TMEM62: variants seen among roughly 807,000 people sequenced by gnomAD.
TMEM62 encodes the protein transmembrane protein 62.
Under a neutral mutation model 70.4 loss-of-function variants are expected in TMEM62, and 41 were observed. The observed-to-expected ratio is 0.58, with a 90% CI of 0.45 to 0.76. The LOEUF (loss-of-function observed/expected upper bound fraction) is 0.76, where lower values mean the gene tolerates loss of function less well. Among genes scored for constraint, TMEM62 ranks in the 30% least tolerant of loss-of-function variants. The pLI is 0.00. For synonymous variants in TMEM62, 268 were observed against 291.0 expected (o/e 0.92, Z 0.80); for missense variants, 688 against 788.5 (o/e 0.87, Z 1.53).
rs186070477 is a variant in TMEM62, at chr15:43,172,044, T to A, written c.1381+2367T>A. ...TATAGTTTATAATCTCTAAAAAAAA[T>A]TTTTTATGGAACAATTTTTGAATGT... On this transcript the variant is annotated intron_variant, in intron 11 of 13. Transcript: ENST00000260403. 4.4e-3 allele frequency among the ~76,000 whole-genome samples: 664 copies of A among 152,256 alleles called. 6 individuals are homozygous for A. The highest frequency in any genetic ancestry group is 0.015 in the African/African-American group (623 of 41,538).
chr15:43,181,518 C>T (rs1460048578), intron 13 of TMEM62, among the ~76,000 whole-genome samples: 7 of 151,616 alleles, frequency 4.6e-5, no homozygotes, highest in Admixed American at 4.6e-4. Flanking sequence ...ATTTTTTTTT[C>T]CCCAAGACAG....
chr15:43,138,582 A>G lies in TMEM62; in HGVS notation c.439A>G (p.Asn147Asp). ...TTTTTTTTTTAAATTAGATGCATTC[A>G]ATATTCCAAGTCTGGACAGCATCAA... ...LDIKGNHDAFNIPSLDSIKNY... is the reference protein window; with the variant it reads ...LDIKGNHDAFDIPSLDSIKNY... Residue 147 changes from asparagine (N) to aspartate (D), a missense_variant, in exon 4 of 14, where the codon AAT becomes GAT. Asn to Asp is a conservative substitution (Grantham distance 23). Coordinates refer to ENST00000260403, the MANE Select transcript of TMEM62 (RefSeq NM_024956.4). 1.3e-6 allele frequency: 2 copies of G among 1,598,308 alleles called. No individual in the cohort carries two copies. Among genetic ancestry groups the G allele is most frequent in the Non-Finnish European group, 1.7e-6 (2 of 1,170,774 alleles).
At position 43,154,793 on chromosome 15, in the gene TMEM62, T is replaced by C. The variant is rs369811342; in HGVS notation, c.1144T>C (p.Tyr382His). ...IFVLKWNPRN[Y>H]SSGTHNIEVI... ...CGTACTGAAGTGGAATCCTAGAAACTACAGTAGTGGGACACATAACATAGA... is the reference window on the plus strand; with the variant it reads ...CGTACTGAAGTGGAATCCTAGAAACCACAGTAGTGGGACACATAACATAGA... The change falls in exon 9 of 14, where the codon TAC (tyrosine) becomes CAC (histidine). Residue 382 changes from tyrosine (Y) to histidine (H), a missense_variant. Physicochemically the swap from Tyr to His is moderately conservative, Grantham distance 83. Coordinates refer to ENST00000260403, the MANE Select transcript of TMEM62 (RefSeq NM_024956.4). 9 of 1,613,572 alleles carry C rather than the reference T, an allele frequency of 5.6e-6. No individual in the cohort carries two copies. The African/African-American group carries it at 1.1e-4, about 19-fold the overall frequency.
At chr15:43,160,603 C>T (rs2038581691) in intron 9 of TMEM62, 78 bp from the exon 10 acceptor site, 1 of 718,884 alleles carries the variant, frequency 1.4e-6, no homozygotes, top group Non-Finnish European at 2.3e-6. Context: ...TATTAGAAAC[C>T]TATTCTTATT....
intron 11 of TMEM62, among the ~76,000 whole-genome samples, chr15:43,176,172 G>A (rs1302882101): frequency 6.6e-6 from 1 of 152,268 alleles, no homozygotes; most frequent in Non-Finnish European, 1.5e-5. Flanking sequence ...GGTAAACAAA[G>A]CAGCCGGGAA....
rs552370345 is a variant in TMEM62, at chr15:43,148,729, A to G, written c.619-26A>G. The stretch of plus-strand genomic sequence containing the variant: ...ATTTTAGCCTGAGCCCTAATTTAAG[A>G]TCCTTCCATTTTTCTCCCATCTCAG... On this transcript the variant is annotated intron_variant, in intron 5 of 13. Coordinates refer to ENST00000260403, the MANE Select transcript of TMEM62 (RefSeq NM_024956.4). 7 of 1,607,396 alleles carry G rather than the reference A, an allele frequency of 4.4e-6. No homozygotes were observed. In the Admixed American group the frequency reaches 1.0e-4, roughly 24 times the overall value.
Position 43,133,885 on chromosome 15 carries a change from T to C in TMEM62, c.83T>C (p.Leu28Pro). 1 of 1,500,508 alleles carries C rather than the reference T, an allele frequency of 6.7e-7. No homozygotes were observed. Among genetic ancestry groups the C allele is most frequent in the Non-Finnish European group, 8.8e-7 (1 of 1,133,054 alleles). The allele number at this position is 1,500,508 out of a possible 1,614,324, so 92.9% of individuals were successfully genotyped here. ...GCCATGCTCTTGGAGCACTACGGCCTGGCGGGCCAGCCCTCGCCGCTGCCG... is the reference window on the plus strand; with the variant it reads ...GCCATGCTCTTGGAGCACTACGGCCCGGCGGGCCAGCCCTCGCCGCTGCCG... The part of the protein sequence containing the change: ...LVAMLLEHYG[L>P]AGQPSPLPRP... The change falls in exon 1 of 14, where the codon CTG (leucine) becomes CCG (proline). Residue 28 changes from leucine to proline, a missense_variant. By Grantham distance (98) the Leu-to-Pro change is moderately conservative. Transcript: ENST00000260403.
chr15:43,144,208 A>G (rs1470686072), intron 4 of TMEM62, among the ~76,000 whole-genome samples: 2 of 152,248 alleles, frequency 1.3e-5, no homozygotes, highest in Admixed American at 1.3e-4. Flanking sequence ...GCAAAAAGAT[A>G]GGTATGAAGA....
chr15:43,178,550 A>T (rs953396082), intron 11 of TMEM62, 57 bp from the exon 12 acceptor site: 8 of 1,112,478 alleles, frequency 7.2e-6, no homozygotes, highest in African/African-American at 3.1e-5. Flanking sequence ...AGAAAATGTC[A>T]TAAAGAAACT....
chr15:43,138,681 C>A, intron 4 of TMEM62, 62 bp downstream of exon 4: 1 of 1,309,476 alleles, frequency 7.6e-7, no homozygotes, highest in Non-Finnish European at 1.1e-6. Flanking sequence ...AGGGTGTGGT[C>A]AACTCAATGA....
intron 11 of TMEM62, chr15:43,169,944 C>G (rs1175149520): frequency 3.4e-6 from 1 of 294,402 alleles, no homozygotes; most frequent in African/African-American, 2.2e-5. Context: ...GTTGGGATAT[C>G]TTGAAGTGGG....
Position 43,151,795 on chromosome 15 carries a change from G to T in TMEM62, c.872G>T (p.Arg291Leu). ...TATCATTATCTGGTCTTTAGGTACC[G>T]GATTTTTGCTTTTGATCACGACCTC... ...VGDWKDNRRY[R>L]IFAFDHDLFS... Residue 291 changes from arginine to leucine, a missense_variant, in exon 8 of 14, where the codon CGG becomes CTG. By Grantham distance (102) the Arg-to-Leu change is moderately radical (BLOSUM62 -2). Transcript: ENST00000260403. 1 of 1,613,022 alleles carries T rather than the reference G, an allele frequency of 6.2e-7. No individual in the cohort carries two copies. Among genetic ancestry groups the T allele is most frequent in the Non-Finnish European group, 8.5e-7 (1 of 1,179,572 alleles).
At chr15:43,183,630 G>A (rs1163271378) in intron 13 of TMEM62, among the ~76,000 whole-genome samples, 2 of 151,404 alleles carry the variant, frequency 1.3e-5, no homozygotes, top group Non-Finnish European at 2.9e-5. Flanking sequence ...ATCACGATCT[G>A]TAATTATATT....
At chr15:43,160,837 T>C in intron 10 of TMEM62, 43 bp downstream of exon 10, 1 of 1,213,532 alleles carries the variant, frequency 8.2e-7, no homozygotes, top group Non-Finnish European at 1.2e-6. Flanking sequence ...AAATGCAGAG[T>C]CCTAAATAAT....
chr15:43,167,458 G>A (rs1281393485), intron 10 of TMEM62, among the ~76,000 whole-genome samples: 37 of 151,754 alleles, frequency 2.4e-4, no homozygotes, highest in African/African-American at 8.9e-4. Context: ...GGGGCGGCCC[G>A]GCAGAGACGC....
At chr15:43,144,137 T>G (rs973455144) in intron 4 of TMEM62, among the ~76,000 whole-genome samples, 1 of 152,216 alleles carries the variant, frequency 6.6e-6, no homozygotes, top group Non-Finnish European at 1.5e-5. Context: ...AAAAAGTGTG[T>G]CCAATCTTAA....
At chr15:43,144,468 A>G (rs1412906012) in intron 4 of TMEM62, among the ~76,000 whole-genome samples, 3 of 152,226 alleles carry the variant, frequency 2.0e-5, no homozygotes, top group African/African-American at 4.8e-5. Flanking sequence ...ATAAATGGCA[A>G]TCCCACAATA....
intron 11 of TMEM62, among the ~76,000 whole-genome samples, chr15:43,174,601 C>G (rs1184880921): frequency 1.3e-5 from 2 of 152,108 alleles, no homozygotes; most frequent in African/African-American, 4.8e-5. Context: ...TTAAAACAAT[C>G]ATGTGAGGTA....
chr15:43,184,220 C>A, intron 13 of TMEM62, 40 bp from the exon 14 acceptor site: 1 of 1,555,842 alleles, frequency 6.4e-7, no homozygotes. Context: ...CAAACTCTTC[C>A]AAGGACTTGG....
Sources: gnomAD v4.1 joint callset for allele counts (sites outside exome capture counted in the v4.1 genomes callset) on GRCh38, gnomAD v4.1.1 for gene constraint, MANE v1.5 for transcripts, NCBI Gene and HGNC (gene_info 2026-07-23, HGNC 2026-07-21) for gene names.